The following TPCN1 variants were observed in gnomAD, a reference collection of about 807,000 sequenced individuals.
TPCN1 encodes the protein two pore channel protein 1.
Under a neutral mutation model 108.8 loss-of-function variants are expected in TPCN1, and 52 were observed. That is an observed-to-expected ratio of 0.48 (90% CI 0.38 to 0.60). TPCN1 has a LOEUF of 0.60. Among genes scored for constraint, TPCN1 ranks in the 20% least tolerant of loss-of-function variants. The pLI is 0.00. For synonymous variants in TPCN1, 446 were observed against 433.7 expected, an observed-to-expected ratio of 1.03 and a Z score of -0.35; for missense variants, 806 against 1,072.8, an observed-to-expected ratio of 0.75 and a Z score of 3.47.
intron 14 of TPCN1, among the ~76,000 whole-genome samples, chr12:113,279,389 A>AT (rs1325797695): frequency 0.016 from 242 of 15,298 alleles, 4 homozygotes; most frequent in African/African-American, 0.038. Flanking sequence ...ATATATATAT[A>AT]TATTTTTTTT....
At chr12:113,223,547 GTTTA>G (rs1240501240) in intron 1 of TPCN1, among the ~76,000 whole-genome samples, 7 of 150,256 alleles carry the variant, frequency 4.7e-5, no homozygotes, top group Non-Finnish European at 2.9e-5. Flanking sequence ...TAAATTTTTA[GTTTA>G]TTTATTTTTT....
chr12:113,242,807 T>A (rs1363719138), intron 2 of TPCN1, among the ~76,000 whole-genome samples: 1 of 152,178 alleles, frequency 6.6e-6, no homozygotes, highest in Non-Finnish European at 1.5e-5. Context: ...ATGCTTGAAA[T>A]GCCAGCCCTG....
intron 17 of TPCN1, among the ~76,000 whole-genome samples, chr12:113,285,377 C>T (rs1956034807): frequency 6.7e-6 from 1 of 149,522 alleles, no homozygotes. Flanking sequence ...GAGGATTTCT[C>T]TCTCTTTTTT....
chr12:113,272,190 C>T lies in TPCN1; in HGVS notation c.749-468C>T, dbSNP rs959845077. ...GGATTTCAGGGACTCAGGGAGTGGTCCATTCCTGGAGGGAGGAAGTGAATG... is the reference window on the plus strand; with the variant it reads ...GGATTTCAGGGACTCAGGGAGTGGTTCATTCCTGGAGGGAGGAAGTGAATG... On this transcript the variant is annotated intron_variant, in intron 7 of 27. Transcript: ENST00000335509. The surrounding 1 kb of genome is among the most constrained non-coding windows in gnomAD (Gnocchi z 4.1). 2.0e-5 allele frequency among the ~76,000 whole-genome samples: 3 copies of T among 152,190 alleles called. No homozygotes were observed. Among genetic ancestry groups the T allele is most frequent in the Non-Finnish European group, 4.4e-5 (3 of 68,040 alleles).
chr12:113,288,664 T>G lies in TPCN1; in HGVS notation c.1707-94T>G. The G allele has an allele frequency of 6.4e-7, 1 of 1,571,656 alleles. No individual in the cohort carries two copies. The highest frequency in any genetic ancestry group is 8.6e-7 in the Non-Finnish European group (1 of 1,163,114). ...GGTGAACCGACCAGGGGCATGGCCC[T>G]GCAGTCAGCCCCACGGGTCCGAGGA... On this transcript the variant is annotated intron_variant, in intron 20 of 27. Transcript: ENST00000335509. This position sits in a 1 kb window ranked among gnomAD's most constrained non-coding sequence, Gnocchi z 4.8.
chr12:113,224,933 T>C (rs1953416365), intron 1 of TPCN1, among the ~76,000 whole-genome samples: 1 of 152,044 alleles, frequency 6.6e-6, no homozygotes, highest in Admixed American at 6.6e-5. Flanking sequence ...GTATCTTTAA[T>C]AGAGGCGGGG....
In TPCN1 at chr12:113,278,232, T is replaced by C. The variant is rs1167199105; in HGVS notation, c.1228T>C (p.Trp410Arg). 2.5e-6 allele frequency: 4 copies of C among 1,613,748 alleles called. No individual in the cohort carries two copies. In the East Asian group the frequency reaches 6.7e-5, roughly 27 times the overall value. The change falls in exon 13 of 28, where the codon TGG becomes CGG. Residue 410 changes from tryptophan (W) to arginine (R), a missense_variant. Coordinates refer to ENST00000335509, the MANE Select transcript of TPCN1 (RefSeq NM_017901.6). ...YDIYEVAALK[W>R]KAKKNREHWF... ...TATCTACGAAGTTGCTGCTTTGAAG[T>C]GGAAGGTGAGTTCTTCTCTGAGACC...
At chr12:113,270,278 A>G (rs549398604) in intron 7 of TPCN1, among the ~76,000 whole-genome samples, 8 of 152,240 alleles carry the variant, frequency 5.3e-5, no homozygotes, top group East Asian at 3.9e-4. Flanking sequence ...ACAAAATGCC[A>G]TAGACTGGGC....
intron 2 of TPCN1, among the ~76,000 whole-genome samples, chr12:113,252,591 T>C (rs73192824): frequency 0.11 from 16,554 of 152,210 alleles, 1,059 homozygotes; most frequent in East Asian, 0.21. Flanking sequence ...AGCTGCCTGC[T>C]CCGCTCCATC....
chr12:113,285,148 T>C (rs1313800944), intron 17 of TPCN1, among the ~76,000 whole-genome samples: 1 of 152,250 alleles, frequency 6.6e-6, no homozygotes, highest in Non-Finnish European at 1.5e-5. Flanking sequence ...TGCCTGACTT[T>C]CCTGCTCTTT....
Position 113,269,174 on chromosome 12 carries a change from C to G in TPCN1, c.659+302C>G, listed in dbSNP as rs1351468528. 2.0e-5 allele frequency among the ~76,000 whole-genome samples: 3 copies of G among 152,248 alleles called. No individual in the cohort carries two copies. The highest frequency in any genetic ancestry group is 1.3e-4 in the Admixed American group (2 of 15,288). ...CCAAATGCAGGCAGCTCAGCAGCGTCCATGTGACACAAGCAGACTCTCCTG... is the reference window on the plus strand; with the variant it reads ...CCAAATGCAGGCAGCTCAGCAGCGTGCATGTGACACAAGCAGACTCTCCTG... On this transcript the variant is annotated intron_variant, in intron 6 of 27. Transcript: ENST00000335509. This position sits in a 1 kb window ranked among gnomAD's most constrained non-coding sequence, Gnocchi z 5.0.
chr12:113,228,445 C>T (rs534012087), intron 2 of TPCN1, among the ~76,000 whole-genome samples: 41 of 152,182 alleles, frequency 2.7e-4, no homozygotes, highest in African/African-American at 9.6e-4. Context: ...GAGACCTCGG[C>T]TGTACAAAAA....
At chr12:113,281,905 TG>T (rs1490744987) in intron 15 of TPCN1, among the ~76,000 whole-genome samples, 4 of 150,250 alleles carry the variant, frequency 2.7e-5, no homozygotes, top group Non-Finnish European at 5.9e-5. Flanking sequence ...GATACACATT[TG>T]GATTTCTTTT....
chr12:113,255,517 ATTAT>A (rs1954800065), intron 2 of TPCN1, among the ~76,000 whole-genome samples: 1 of 151,686 alleles, frequency 6.6e-6, no homozygotes, highest in African/African-American at 2.4e-5. Flanking sequence ...TTGACTAATT[ATTAT>A]TATTAATTAA....
At chr12:113,281,245 G>A (rs1955877412) in intron 15 of TPCN1, among the ~76,000 whole-genome samples, 1 of 152,022 alleles carries the variant, frequency 6.6e-6, no homozygotes, top group Non-Finnish European at 1.5e-5. Flanking sequence ...TCACCATGTT[G>A]ACCAGGATGG....
Position 113,298,410 on chromosome 12 carries a change from C to G in TPCN1, c.*2334C>G, listed in dbSNP as rs1956498200. 6.6e-6 allele frequency: 1 copy of G among 152,370 alleles called. No individual in the cohort carries two copies. The highest frequency in any genetic ancestry group is 2.4e-5 in the African/African-American group (1 of 41,468). The allele number at this position is 152,370 out of a possible 1,614,324, so 9.4% of individuals were successfully genotyped here. ...GTGGCAATAGAACTGTGCCCCTCCT[C>G]AGCTCCTCGCTTCCCCTCCCACAGC... On this transcript the variant is annotated 3_prime_UTR_variant, in exon 28 of 28. Coordinates refer to ENST00000335509, the MANE Select transcript of TPCN1 (RefSeq NM_017901.6).
rs1955254229 is a variant in TPCN1 at position 113,266,219 on chromosome 12, G to T, written c.277G>T (p.Asp93Tyr). The T allele has an allele frequency of 2.5e-6, 4 of 1,614,148 alleles. No homozygotes were observed. Among genetic ancestry groups the T allele is most frequent in the Non-Finnish European group, 3.4e-6 (4 of 1,180,032 alleles). Residue 93 changes from aspartate to tyrosine, a missense_variant, in exon 4 of 28, where the codon GAT becomes TAT. By Grantham distance (160) the Asp-to-Tyr change is radical. Transcript: ENST00000335509. The surrounding 1 kb of genome is among the most constrained non-coding windows in gnomAD (Gnocchi z 4.2). ...CGACAAGTTCTTCACCCACCCCAAG[G>T]ATGCCAAGGCGCTGGCGGCCTACCT... ...NNDKFFTHPK[D>Y]AKALAAYLFA...
Position 113,258,986 on chromosome 12 carries a change from T to G in TPCN1, c.113-1382T>G, listed in dbSNP as rs1037414055. On this transcript the variant is annotated intron_variant, in intron 2 of 27. Coordinates refer to ENST00000335509, the MANE Select transcript of TPCN1 (RefSeq NM_017901.6). ...CCAGTATCAAAACATTAGATTTTTTTTTTTTTTTTTGAGACGGAGTCTTGC... is the reference window on the plus strand; with the variant it reads ...CCAGTATCAAAACATTAGATTTTTTGTTTTTTTTTTGAGACGGAGTCTTGC... 3.8e-4 allele frequency among the ~76,000 whole-genome samples: 58 copies of G among 152,098 alleles called. 3 individuals are homozygous for G. Among genetic ancestry groups the G allele is most frequent in the Admixed American group, 2.2e-3 (33 of 15,286 alleles).
intron 2 of TPCN1, among the ~76,000 whole-genome samples, chr12:113,227,332 C>T (rs550491769): frequency 1.3e-5 from 2 of 152,302 alleles, no homozygotes; most frequent in East Asian, 3.9e-4. Flanking sequence ...ATTTCAACAC[C>T]AGCCTCCGTC....
Sources: allele counts gnomAD v4.1 joint callset (sites outside exome capture counted in the v4.1 genomes callset), GRCh38; gene constraint gnomAD v4.1.1; non-coding constraint Gnocchi (gnomAD v3.1); transcripts MANE v1.5; gene names NCBI Gene and HGNC (gene_info 2026-07-23, HGNC 2026-07-21).